LIMCH1: variants seen among roughly 807,000 people sequenced by gnomAD.
LIMCH1 encodes LIM and calponin homology domains-containing protein 1.
In LIMCH1, 113 loss-of-function variants were observed where a neutral mutation model predicts 176.5. The observed-to-expected ratio is 0.64, with a 90% confidence interval of 0.55 to 0.75. The LOEUF is 0.75. LIMCH1 is among the 30% of genes least tolerant of loss of function. The pLI, the probability that LIMCH1 is intolerant of heterozygous loss-of-function variation, is 0.00. For synonymous variants in LIMCH1, 619 were observed against 645.9 expected (o/e 0.96, Z 0.63); for missense variants, 1,674 against 1,814.9 (o/e 0.92, Z 1.41).
At chr4:41,480,835 T>C (rs1365297004) in intron 1 of LIMCH1, among the ~76,000 whole-genome samples, 1 of 152,230 alleles carries the variant, frequency 6.6e-6, no homozygotes, top group Non-Finnish European at 1.5e-5. Flanking sequence ...TCTGTCTTTC[T>C]GTGCAGCTTC....
At chr4:41,416,716 G>A (rs964832187) in intron 1 of LIMCH1, among the ~76,000 whole-genome samples, 1 of 151,438 alleles carries the variant, frequency 6.6e-6, no homozygotes, top group Non-Finnish European at 1.5e-5. Flanking sequence ...AATCACTGAT[G>A]CTACACACAC....
chr4:41,625,897 A>G (rs1426298716), intron 7 of LIMCH1, among the ~76,000 whole-genome samples: 3 of 152,118 alleles, frequency 2.0e-5, no homozygotes, highest in East Asian at 1.9e-4. Flanking sequence ...CCCAAAGTGG[A>G]AAGAATGTTG....
intron 1 of LIMCH1, among the ~76,000 whole-genome samples, chr4:41,576,487 T>C (rs1035214617): frequency 2.0e-5 from 3 of 152,214 alleles, no homozygotes. Context: ...TTATGTGAAA[T>C]GACATGCATA....
At chr4:41,680,808 A>G (rs1715066041) in intron 24 of LIMCH1, 147 bp from the exon 25 acceptor site, 2 of 497,450 alleles carry the variant, frequency 4.0e-6, no homozygotes, top group Admixed American at 3.3e-5. Flanking sequence ...TATGATTTGC[A>G]TGCTTTTGGA....
intron 1 of LIMCH1, among the ~76,000 whole-genome samples, chr4:41,403,854 C>T (rs1028877487): frequency 1.3e-5 from 2 of 152,212 alleles, no homozygotes; most frequent in African/African-American, 4.8e-5. Flanking sequence ...AAACCACCTT[C>T]CGTTTTCTCC....
At chr4:41,432,394 G>A (rs1224149716) in intron 1 of LIMCH1, among the ~76,000 whole-genome samples, 1 of 152,180 alleles carries the variant, frequency 6.6e-6, no homozygotes, top group Non-Finnish European at 1.5e-5. Context: ...AACTCTTTAC[G>A]TATAACGTCA....
intron 2 of LIMCH1, among the ~76,000 whole-genome samples, chr4:41,502,892 A>T (rs765621687): frequency 6.7e-6 from 1 of 148,564 alleles, no homozygotes; most frequent in Non-Finnish European, 1.5e-5. Context: ...TTATGTGAAT[A>T]AGCACGGAGG....
chr4:41,479,754 A>G (rs904096776), intron 1 of LIMCH1, among the ~76,000 whole-genome samples: 3 of 152,206 alleles, frequency 2.0e-5, no homozygotes, highest in Non-Finnish European at 4.4e-5. Flanking sequence ...TCTTCATGAC[A>G]TCAACTTTTT....
At chr4:41,434,678 G>A (rs1030878429) in intron 1 of LIMCH1, among the ~76,000 whole-genome samples, 2 of 152,070 alleles carry the variant, frequency 1.3e-5, no homozygotes, top group South Asian at 4.2e-4. Flanking sequence ...CCCCATGCCC[G>A]GCTAACTTTT....
intron 22 of LIMCH1, 125 bp from the exon 23 acceptor site, chr4:41,676,257 A>G (rs2095214657): frequency 1.6e-6 from 1 of 626,194 alleles, no homozygotes; most frequent in Non-Finnish European, 2.8e-6. Context: ...GTTTAGATAT[A>G]TGAAGCCTTC....
At chr4:41,371,841 G>T (rs2054010100) in intron 1 of LIMCH1, among the ~76,000 whole-genome samples, 2 of 152,274 alleles carry the variant, frequency 1.3e-5, no homozygotes, top group Middle Eastern at 3.4e-3. Context: ...CTGGCATTCT[G>T]AACAAATATA....
intron 5 of LIMCH1, among the ~76,000 whole-genome samples, chr4:41,616,117 G>C (rs2092040427): frequency 6.6e-6 from 1 of 152,106 alleles, no homozygotes; most frequent in Admixed American, 6.5e-5. Flanking sequence ...AACATATTTT[G>C]TAAATATGCA....
At chr4:41,541,372 T>C (rs1036041614) in intron 1 of LIMCH1, among the ~76,000 whole-genome samples, 1 of 152,200 alleles carries the variant, frequency 6.6e-6, no homozygotes, top group Non-Finnish European at 1.5e-5. Flanking sequence ...GAGCTTGTGT[T>C]TGGTCCCTTT....
chr4:41,656,851 C>T (rs1391845230), intron 18 of LIMCH1, among the ~76,000 whole-genome samples: 1 of 152,154 alleles, frequency 6.6e-6, no homozygotes, highest in Non-Finnish European at 1.5e-5. Context: ...TCCGAGCTCA[C>T]CAGCAACTCC....
chr4:41,500,941 G>A (rs552070132), intron 2 of LIMCH1, among the ~76,000 whole-genome samples: 1 of 152,220 alleles, frequency 6.6e-6, no homozygotes, highest in Non-Finnish European at 1.5e-5. Flanking sequence ...TGAGAGAGGT[G>A]GACCTGGACT....
intron 22 of LIMCH1, among the ~76,000 whole-genome samples, chr4:41,672,423 A>C (rs1237053993): frequency 6.6e-6 from 1 of 152,144 alleles, no homozygotes; most frequent in Non-Finnish European, 1.5e-5. Context: ...TAAAACTGAC[A>C]ATTTCTATAG....
At chr4:41,430,337 A>G (rs548006428) in intron 1 of LIMCH1, among the ~76,000 whole-genome samples, 2 of 152,296 alleles carry the variant, frequency 1.3e-5, no homozygotes, top group African/African-American at 4.8e-5. Flanking sequence ...ATCTTGGCTC[A>G]CCACAATCTC....
intron 1 of LIMCH1, among the ~76,000 whole-genome samples, chr4:41,591,184 C>T (rs1045569116): frequency 6.6e-6 from 1 of 151,942 alleles, no homozygotes; most frequent in Admixed American, 6.6e-5. Context: ...TATGCTAGTC[C>T]GTATTAAAAT....
intron 13 of LIMCH1, 104 bp downstream of exon 13, chr4:41,633,912 C>G: frequency 8.0e-7 from 1 of 1,256,796 alleles, no homozygotes; most frequent in East Asian, 2.5e-5. Context: ...CCTGCTGTTG[C>G]TAGCAGAAAC....
Sources: gnomAD v4.1 joint callset for allele counts (sites outside exome capture counted in the v4.1 genomes callset) on GRCh38, gnomAD v4.1.1 for gene constraint, MANE v1.5 for transcripts, NCBI Gene and HGNC (gene_info 2026-07-23, HGNC 2026-07-21) for gene names.